Variants in ST3GAL3 observed in about 807,000 individuals in gnomAD.
The protein encoded by ST3GAL3 is ST3 beta-galactoside alpha-2,3-sialyltransferase 3, also known as CMP-N-acetylneuraminate-beta-1,4-galactoside alpha-2,3-sialyltransferase.
Under a neutral mutation model 50.1 loss-of-function variants are expected in ST3GAL3, and 21 were observed. The observed-to-expected ratio is 0.42, with a 90% CI of 0.30 to 0.60. The LOEUF is 0.60. Among genes scored for constraint, ST3GAL3 ranks in the 20% least tolerant of loss-of-function variants. The pLI is 0.19. For synonymous variants in ST3GAL3, 183 were observed against 190.0 expected, an observed-to-expected ratio of 0.96 and a Z score of 0.30; for missense variants, 353 against 489.4, an observed-to-expected ratio of 0.72 and a Z score of 2.63.
chr1:43,726,859 G>A (rs1189816338), intron 1 of ST3GAL3, among the ~76,000 whole-genome samples: 2 of 152,186 alleles, frequency 1.3e-5, no homozygotes, highest in Non-Finnish European at 2.9e-5. Context: ...CTCCCAAAGT[G>A]CTGGGATTAC....
intron 4 of ST3GAL3, among the ~76,000 whole-genome samples, chr1:43,816,090 A>G (rs988194517): frequency 6.6e-6 from 1 of 152,054 alleles, no homozygotes; most frequent in Non-Finnish European, 1.5e-5. Context: ...ATTCCTTTCT[A>G]TTGTTAGTCA....
intron 5 of ST3GAL3, among the ~76,000 whole-genome samples, chr1:43,870,012 G>A (rs1003686315): frequency 2.0e-5 from 3 of 152,196 alleles, no homozygotes; most frequent in African/African-American, 7.2e-5. Context: ...TGTGGTATCT[G>A]AGAGCTCCAG....
intron 9 of ST3GAL3, among the ~76,000 whole-genome samples, chr1:43,917,518 A>C (rs1291190370): frequency 1.4e-5 from 1 of 72,380 alleles, no homozygotes; most frequent in Non-Finnish European, 2.6e-5. Flanking sequence ...ATAATATAAT[A>C]TATATTATAT....
intron 5 of ST3GAL3, among the ~76,000 whole-genome samples, chr1:43,891,628 A>G (rs749580496): frequency 6.6e-5 from 10 of 152,224 alleles, no homozygotes; most frequent in African/African-American, 1.2e-4. Flanking sequence ...ATAGATTGAC[A>G]TATATCAAAT....
intron 1 of ST3GAL3, among the ~76,000 whole-genome samples, chr1:43,729,959 T>C (rs1430397368): frequency 6.6e-6 from 1 of 152,256 alleles, no homozygotes; most frequent in Non-Finnish European, 1.5e-5. Context: ...AGCCTGTTTT[T>C]ACCCCACAGC....
intron 1 of ST3GAL3, among the ~76,000 whole-genome samples, chr1:43,724,888 G>A (rs1672189464): frequency 6.6e-6 from 1 of 152,172 alleles, no homozygotes; most frequent in South Asian, 2.1e-4. Flanking sequence ...GAGGTCAGTG[G>A]TAAACTCATT....
intron 1 of ST3GAL3, among the ~76,000 whole-genome samples, chr1:43,724,637 G>T (rs940448396): frequency 2.0e-5 from 3 of 152,174 alleles, no homozygotes; most frequent in Non-Finnish European, 4.4e-5. Context: ...GGCAGAAAAA[G>T]AGACAAGATG....
intron 1 of ST3GAL3, among the ~76,000 whole-genome samples, chr1:43,722,816 A>G (rs1671115908): frequency 6.6e-6 from 1 of 152,082 alleles, no homozygotes; most frequent in African/African-American, 2.4e-5. Flanking sequence ...TCGGGGTGAA[A>G]CATCTAGATG....
At chr1:43,871,623 A>T (rs1254640768) in intron 5 of ST3GAL3, among the ~76,000 whole-genome samples, 4 of 77,248 alleles carry the variant, frequency 5.2e-5, no homozygotes, top group East Asian at 4.1e-4. Flanking sequence ...ATGGGATGTG[A>T]GGGAGAAGAT....
chr1:43,763,994 GGTCATTTCTTAACT>G (rs1271678109), intron 2 of ST3GAL3, among the ~76,000 whole-genome samples: 5 of 152,074 alleles, frequency 3.3e-5, no homozygotes, highest in African/African-American at 1.2e-4. Context: ...TGTGACTTTG[GGTCATTTCTTAACT>G]GTCATTTATT....
At chr1:43,760,396 T>TA (rs1443410318) in intron 2 of ST3GAL3, among the ~76,000 whole-genome samples, 1 of 152,240 alleles carries the variant, frequency 6.6e-6, no homozygotes, top group Non-Finnish European at 1.5e-5. Flanking sequence ...AAGATGTGTA[T>TA]AACTCAGTGA....
intron 11 of ST3GAL3, among the ~76,000 whole-genome samples, chr1:43,929,629 C>T (rs1235978826): frequency 3.9e-5 from 6 of 152,156 alleles, no homozygotes; most frequent in Admixed American, 2.0e-4. Context: ...AAAGATTTGC[C>T]ATCTCTCCGC....
rs553480814 is a variant in ST3GAL3 at position 43,894,262 on chromosome 1, G to T, written c.303-121G>T. 18 of 936,958 alleles carry T rather than the reference G, an allele frequency of 1.9e-5. No individual in the cohort carries two copies. In the South Asian group the frequency reaches 2.2e-4, roughly 12 times the overall value. The allele number at this position is 936,958 out of a possible 1,614,324, so 58.0% of individuals were successfully genotyped here. The stretch of plus-strand genomic sequence containing the variant: ...CAGTGAACAGGCTGGGTGGAGGGGG[G>T]TATGCCGGAATGCAGAGGGGGCTTC... On this transcript the variant is annotated intron_variant, in intron 5 of 11. Coordinates refer to ENST00000347631, the MANE Select transcript of ST3GAL3 (RefSeq NM_006279.5).
intron 3 of ST3GAL3, among the ~76,000 whole-genome samples, chr1:43,806,123 C>A (rs1484568075): frequency 6.6e-6 from 1 of 152,108 alleles, no homozygotes. Context: ...ATTCAGGGAA[C>A]TGAAAGAGGC....
At chr1:43,729,594 C>T (rs1674700396) in intron 1 of ST3GAL3, among the ~76,000 whole-genome samples, 1 of 152,190 alleles carries the variant, frequency 6.6e-6, no homozygotes, top group Non-Finnish European at 1.5e-5. Flanking sequence ...GTCCCTCTCT[C>T]CCCTTTCACC....
chr1:43,715,131 T>C (rs1666722675), intron 1 of ST3GAL3, among the ~76,000 whole-genome samples: 1 of 152,210 alleles, frequency 6.6e-6, no homozygotes, highest in African/African-American at 2.4e-5. Context: ...ACTGAGGATT[T>C]AAAGAATGTA....
intron 1 of ST3GAL3, among the ~76,000 whole-genome samples, chr1:43,721,245 T>C (rs1298078239): frequency 6.7e-6 from 1 of 149,126 alleles, no homozygotes; most frequent in East Asian, 2.0e-4. Flanking sequence ...ACCCTGTCTC[T>C]TAAAAAGAAA....
rs1219370840 is a variant in ST3GAL3 at position 43,906,017 on chromosome 1, T to C, written c.744+6290T>C. Among the ~76,000 whole-genome samples, 7 of 62,764 alleles carry C rather than the reference T, an allele frequency of 1.1e-4. No individual in the cohort carries two copies. The East Asian group carries it at 1.8e-3, about 16-fold the overall frequency. 41.2% of individuals were successfully genotyped at this position (62,764 alleles called of 152,430 possible). A position where few individuals can be genotyped will look rare whatever the true frequency, so the allele number is the denominator to read the frequency against. On this transcript the variant is annotated intron_variant, in intron 9 of 11. Coordinates refer to ENST00000347631, the MANE Select transcript of ST3GAL3 (RefSeq NM_006279.5). ...GCCACTCTTCCCCCTCCTCCTTCTG[T>C]TCCTCTTCCCGCCACTCTTCCTCCC... is the stretch of plus-strand genomic sequence containing the variant.
intron 5 of ST3GAL3, among the ~76,000 whole-genome samples, chr1:43,886,986 A>T (rs1451510380): frequency 6.6e-6 from 1 of 152,236 alleles, no homozygotes; most frequent in East Asian, 1.9e-4. Flanking sequence ...AAGGAGGCCA[A>T]ATTTAAGAAT....
Sources: gnomAD v4.1 joint callset for allele counts (sites outside exome capture counted in the v4.1 genomes callset) on GRCh38, gnomAD v4.1.1 for gene constraint, MANE v1.5 for transcripts, NCBI Gene and HGNC (gene_info 2026-07-23, HGNC 2026-07-21) for gene names.